THSD4: variants seen among roughly 807,000 people sequenced by gnomAD.
THSD4 encodes thrombospondin type-1 domain-containing protein 4.
THSD4 carries 69 observed loss-of-function variants against 119.0 expected under a neutral mutation model. The observed-to-expected ratio is 0.58, with a 90% CI of 0.48 to 0.71. The LOEUF is 0.71. Ranked by LOEUF, THSD4 falls within the 30% of genes least tolerant of loss-of-function variation. The pLI is 0.00. For synonymous variants in THSD4, 524 were observed against 540.4 expected, an observed-to-expected ratio of 0.97 and a Z score of 0.42; for missense variants, 1,393 against 1,391.1, an observed-to-expected ratio of 1.00 and a Z score of -0.02.
intron 8 of THSD4, among the ~76,000 whole-genome samples, chr15:71,716,837 C>T (rs2052621184): frequency 6.6e-6 from 1 of 152,168 alleles, no homozygotes; most frequent in South Asian, 2.1e-4. Flanking sequence ...TGGTCACTCA[C>T]ATAGAATCCT....
intron 6 of THSD4, among the ~76,000 whole-genome samples, chr15:71,339,494 A>T (rs1178445169): frequency 6.6e-6 from 1 of 152,108 alleles, no homozygotes; most frequent in Non-Finnish European, 1.5e-5. Context: ...ACTCTCTAAC[A>T]ATATAACCTC....
At chr15:71,547,230 T>G in intron 7 of THSD4, 1 of 1,387,198 alleles carries the variant, frequency 7.2e-7, no homozygotes, top group South Asian at 1.7e-5. Flanking sequence ...CTTACCAGTT[T>G]TCTTCAGAAC....
At chr15:71,710,336 G>T (rs556151728) in intron 8 of THSD4, among the ~76,000 whole-genome samples, 1 of 152,128 alleles carries the variant, frequency 6.6e-6, no homozygotes, top group Non-Finnish European at 1.5e-5. Flanking sequence ...CCAATTTAAG[G>T]GAAGGGAAAT....
At chr15:71,638,392 C>G (rs2050791587) in intron 7 of THSD4, among the ~76,000 whole-genome samples, 1 of 152,174 alleles carries the variant, frequency 6.6e-6, no homozygotes, top group Non-Finnish European at 1.5e-5. Flanking sequence ...TCCTGCAGGT[C>G]TTAAAAGAAC....
chr15:71,777,458 A>G lies in THSD4; in HGVS notation c.*84A>G, dbSNP rs2053935716. 12 of 1,519,012 alleles carry G rather than the reference A, an allele frequency of 7.9e-6. No individual in the cohort carries two copies. In the East Asian group the frequency reaches 2.9e-4, roughly 37 times the overall value. The allele number at this position is 1,519,012 out of a possible 1,614,324, so 94.1% of individuals were successfully genotyped here. A position where few individuals can be genotyped will look rare whatever the true frequency, so the allele number is the denominator to read the frequency against. On this transcript the variant is annotated 3_prime_UTR_variant, in exon 18 of 18. Transcript: ENST00000261862. ...GCGCCTGGCTGGCTGCTGCTCCACC[A>G]CGGGCCCCCTGGCCCAGGCGCTGCC...
chr15:71,308,618 TC>T (rs1164206113), intron 6 of THSD4, among the ~76,000 whole-genome samples: 1 of 152,258 alleles, frequency 6.6e-6, no homozygotes, highest in Non-Finnish European at 1.5e-5. Flanking sequence ...CAAGTAATAT[TC>T]CATGGTTTGG....
intron 8 of THSD4, among the ~76,000 whole-genome samples, chr15:71,724,287 A>ATATATATATATACATATATATATATAT: frequency 2.7e-5 from 1 of 37,288 alleles, no homozygotes; most frequent in Non-Finnish European, 6.1e-5. Context: ...ATATATATAT[A>ATATATATATATACATATATATATATAT]TTTTTTTTTT....
intron 6 of THSD4, among the ~76,000 whole-genome samples, chr15:71,279,972 CTTG>C (rs1567179672): frequency 2.0e-5 from 3 of 152,156 alleles, no homozygotes; most frequent in South Asian, 2.1e-4. Context: ...ATAACTTCCT[CTTG>C]TTGTGAGGTT....
chr15:71,369,984 T>A (rs1375520321), intron 6 of THSD4, among the ~76,000 whole-genome samples: 5 of 152,204 alleles, frequency 3.3e-5, no homozygotes, highest in Non-Finnish European at 7.3e-5. Context: ...ATTTAGGGAT[T>A]CAACTTCTTC....
Position 71,364,835 on chromosome 15 carries a change from A to C in THSD4, c.1016-46852A>C, listed in dbSNP as rs549665683. Among the ~76,000 whole-genome samples the C allele has an allele frequency of 2.6e-5, 4 of 152,300 alleles. No individual in the cohort carries two copies. The South Asian group carries it at 8.3e-4, about 32-fold the overall frequency. On this transcript the variant is annotated intron_variant, in intron 6 of 17. Coordinates refer to ENST00000261862, the MANE Select transcript of THSD4 (RefSeq NM_024817.3). ...TCAAAGTAAATGGGAAACAGTATGA[A>C]ATTGCTGGAAGCTGATTCTGGGGGT...
chr15:71,101,238 C>T (rs930495216), intron 1 of THSD4, among the ~76,000 whole-genome samples: 1 of 151,890 alleles, frequency 6.6e-6, no homozygotes, highest in African/African-American at 2.4e-5. Context: ...ATATGGTCTG[C>T]TATTATATTA....
At chr15:71,207,987 G>C (rs549912636) in intron 3 of THSD4, among the ~76,000 whole-genome samples, 1 of 152,224 alleles carries the variant, frequency 6.6e-6, no homozygotes, top group Non-Finnish European at 1.5e-5. Context: ...TGGGAAGTGA[G>C]GCACATCAGA....
chr15:71,426,397 G>GTGTGTGTGTGTT (rs138567389), intron 7 of THSD4, among the ~76,000 whole-genome samples: 270 of 124,706 alleles, frequency 2.2e-3, no homozygotes, highest in African/African-American at 6.2e-3. Context: ...GTGTGTGTGT[G>GTGTGTGTGTGTT]TGTGTGTGTT....
At chr15:71,469,646 A>G (rs78337293) in intron 7 of THSD4, among the ~76,000 whole-genome samples, 203 of 152,288 alleles carry the variant, frequency 1.3e-3, no homozygotes, top group African/African-American at 4.6e-3. Flanking sequence ...CTTAGGCTCA[A>G]CACATCTGCA....
chr15:71,400,058 G>C (rs2046506577), intron 6 of THSD4, among the ~76,000 whole-genome samples: 2 of 152,114 alleles, frequency 1.3e-5, no homozygotes, highest in Non-Finnish European at 2.9e-5. Context: ...TTTGTTCACT[G>C]TTTCTAATCC....
chr15:71,123,193 T>C lies in THSD4; in HGVS notation c.-80+7495T>C, dbSNP rs1015066200. On this transcript the variant is annotated intron_variant, in intron 1 of 17. Coordinates refer to ENST00000261862, the MANE Select transcript of THSD4 (RefSeq NM_024817.3). ...GTCTCTTGGAGTGGAAGGTCTTGGC[T>C]GCTTCTGAGATTGCGCTGCTGTGCG... 7.7e-4 allele frequency among the ~76,000 whole-genome samples: 117 copies of C among 152,346 alleles called. 1 individual carries two copies. The highest frequency in any genetic ancestry group is 2.7e-3 in the African/African-American group (114 of 41,586).
chr15:71,189,909 A>G (rs1046075309), intron 3 of THSD4, among the ~76,000 whole-genome samples: 1 of 152,132 alleles, frequency 6.6e-6, no homozygotes, highest in African/African-American at 2.4e-5. Flanking sequence ...TCTGAGGAGG[A>G]TACTCAGAAC....
rs573050274 is a variant in THSD4 at position 71,264,986 on chromosome 15, A to G, written c.1015+8271A>G. 4.8e-4 allele frequency among the ~76,000 whole-genome samples: 73 copies of G among 152,238 alleles called. 1 individual carries two copies. The highest frequency in any genetic ancestry group is 6.5e-4 in the Non-Finnish European group (44 of 68,020). Reference sequence around the variant, plus strand: ...TGGGGACTCTAAGGAACTAATTAAGATTAAATGAGGTCTTAAGGGCAGGGC... The same window carrying G: ...TGGGGACTCTAAGGAACTAATTAAGGTTAAATGAGGTCTTAAGGGCAGGGC... On this transcript the variant is annotated intron_variant, in intron 6 of 17. Transcript: ENST00000261862.
At chr15:71,605,979 G>A (rs1225092682) in intron 7 of THSD4, among the ~76,000 whole-genome samples, 1 of 152,178 alleles carries the variant, frequency 6.6e-6, no homozygotes, top group African/African-American at 2.4e-5. Context: ...GAGGCTACTT[G>A]AAGAAAGTAT....
Sources: gnomAD v4.1 joint callset for allele counts (sites outside exome capture counted in the v4.1 genomes callset) on GRCh38, gnomAD v4.1.1 for gene constraint, MANE v1.5 for transcripts, NCBI Gene and HGNC (gene_info 2026-07-23, HGNC 2026-07-21) for gene names.